The following CCDC170 variants were observed in gnomAD, a reference collection of about 807,000 sequenced individuals.
The protein encoded by CCDC170 is coiled-coil domain containing 170, also known as coiled-coil domain-containing protein 170.
In CCDC170, 69 loss-of-function variants were observed where a neutral mutation model predicts 72.6. That is an observed-to-expected ratio of 0.95 (90% CI 0.78 to 1.16). The LOEUF is 1.16. Among genes scored for constraint, CCDC170 ranks in the 50% most tolerant of loss-of-function variants. CCDC170 has a pLI of 0.00. For synonymous variants in CCDC170, 300 were observed against 303.9 expected, an observed-to-expected ratio of 0.99 and a Z score of 0.13; for missense variants, 852 against 832.5, an observed-to-expected ratio of 1.02 and a Z score of -0.29.
chr6:151,510,314 T>C (rs892348902), intron 1 of CCDC170, among the ~76,000 whole-genome samples: 15 of 152,192 alleles, frequency 9.9e-5, no homozygotes, highest in Admixed American at 5.2e-4. Context: ...TCTATCTCTG[T>C]GGTAGAAAAA....
intron 9 of CCDC170, among the ~76,000 whole-genome samples, chr6:151,610,407 A>C (rs1323544795): frequency 6.6e-6 from 1 of 152,186 alleles, no homozygotes; most frequent in Non-Finnish European, 1.5e-5. Context: ...AGTATAATGG[A>C]TACTCTTTTA....
rs1223863603 is a variant in CCDC170 at position 151,534,346 on chromosome 6, C to T, written c.58-1972C>T. Among the ~76,000 whole-genome samples, 8 of 151,358 alleles carry T rather than the reference C, an allele frequency of 5.3e-5. No homozygotes were observed. In the East Asian group the frequency reaches 1.5e-3, roughly 29 times the overall value. On this transcript the variant is annotated intron_variant, in intron 1 of 10. Coordinates refer to ENST00000239374, the MANE Select transcript of CCDC170 (RefSeq NM_025059.4). ...CTGGGATTACAGGCCTGAGCCACTG[C>T]ACCTGGTCTAGCTTCTTTTCTTAAA... is the stretch of plus-strand genomic sequence containing the variant.
rs1777055635 is a variant in CCDC170, at chr6:151,621,121, C to T, written c.*2974C>T. ...TCTGTACATGTATACAGTCCATATA[C>T]ACATTAAGTGTTTGTCATTTGGACA... On this transcript the variant is annotated 3_prime_UTR_variant, in exon 11 of 11. Coordinates refer to ENST00000239374, the MANE Select transcript of CCDC170 (RefSeq NM_025059.4). 6.6e-6 allele frequency: 1 copy of T among 152,180 alleles called. No homozygotes were observed. The highest frequency in any genetic ancestry group is 2.4e-5 in the African/African-American group (1 of 41,442). The allele number at this position is 152,180 out of a possible 1,614,324, so 9.4% of individuals were successfully genotyped here.
intron 1 of CCDC170, among the ~76,000 whole-genome samples, chr6:151,502,556 A>G (rs1248308537): frequency 1.3e-5 from 2 of 152,252 alleles, no homozygotes; most frequent in Non-Finnish European, 2.9e-5. Context: ...AGACTTGACT[A>G]TAATTGTCCC....
chr6:151,555,117 C>CCAACTCCTGACCTT (rs1782954120), intron 5 of CCDC170, among the ~76,000 whole-genome samples: 1 of 151,578 alleles, frequency 6.6e-6, no homozygotes, highest in African/African-American at 2.4e-5. Context: ...CTCCTGACCT[C>CCAACTCCTGACCTT]GTGGTCCACC....
chr6:151,521,168 G>T (rs1583007620), intron 1 of CCDC170, among the ~76,000 whole-genome samples: 1 of 152,114 alleles, frequency 6.6e-6, no homozygotes, highest in African/African-American at 2.4e-5. Context: ...CTCCCCAGCT[G>T]CCTCCTGTTA....
At chr6:151,605,549 T>C (rs1776769993) in intron 9 of CCDC170, among the ~76,000 whole-genome samples, 1 of 152,198 alleles carries the variant, frequency 6.6e-6, no homozygotes, top group Non-Finnish European at 1.5e-5. Flanking sequence ...GTAGCTGCTT[T>C]CTGTGGGTTG....
chr6:151,612,472 A>T (rs1373367213), intron 9 of CCDC170, among the ~76,000 whole-genome samples: 1 of 152,154 alleles, frequency 6.6e-6, no homozygotes, highest in Non-Finnish European at 1.5e-5. Flanking sequence ...CAACATTCTC[A>T]TTCCCCTTTC....
intron 1 of CCDC170, among the ~76,000 whole-genome samples, chr6:151,528,973 T>C (rs1782451933): frequency 6.6e-6 from 1 of 152,184 alleles, no homozygotes; most frequent in Admixed American, 6.5e-5. Flanking sequence ...GTACAAATAA[T>C]GAGTAAATAC....
At position 151,612,961 on chromosome 6, in the gene CCDC170, TTTGTTTG is replaced by T. The variant is rs1776898338; in HGVS notation, c.1711-2481_1711-2475del. Among the ~76,000 whole-genome samples, 4 of 152,098 alleles carry T rather than the reference TTTGTTTG, an allele frequency of 2.6e-5. No homozygotes were observed. The South Asian group carries it at 8.3e-4, about 31-fold the overall frequency. ...CAGAGCTGTACTGGTCTTTGTTTGC[TTTGTTTG>T]CTCTTTGTCTATTCATTCCTTACTG... On this transcript the variant is annotated intron_variant, in intron 9 of 10. Transcript: ENST00000239374.
At chr6:151,502,859 G>A (rs934637905) in intron 1 of CCDC170, among the ~76,000 whole-genome samples, 1 of 152,072 alleles carries the variant, frequency 6.6e-6, no homozygotes, top group African/African-American at 2.4e-5. Flanking sequence ...TTTTAGATAC[G>A]GTCCCCCTTT....
At chr6:151,612,947 T>C (rs562220146) in intron 9 of CCDC170, among the ~76,000 whole-genome samples, 1 of 102,162 alleles carries the variant, frequency 9.8e-6, no homozygotes, top group Admixed American at 8.2e-5. Flanking sequence ...AGAGCTGTAC[T>C]GGTCTTTGTT....
intron 7 of CCDC170, among the ~76,000 whole-genome samples, chr6:151,592,864 T>C (rs1311346857): frequency 6.6e-6 from 1 of 152,114 alleles, no homozygotes; most frequent in Admixed American, 6.6e-5. Context: ...GTATATAATA[T>C]TCGATTGAAC....
intron 1 of CCDC170, among the ~76,000 whole-genome samples, chr6:151,517,434 CTTTT>C (rs377256935): frequency 2.9e-5 from 4 of 139,364 alleles, no homozygotes; most frequent in Non-Finnish European, 4.7e-5. Flanking sequence ...TCTTCTTCTT[CTTTT>C]TTTTTTTTTT....
chr6:151,506,754 A>G (rs1308803029), intron 1 of CCDC170, among the ~76,000 whole-genome samples: 5 of 152,200 alleles, frequency 3.3e-5, no homozygotes, highest in Admixed American at 3.3e-4. Context: ...ATTAGCATTT[A>G]AATCAATAGA....
intron 1 of CCDC170, among the ~76,000 whole-genome samples, chr6:151,500,145 C>A (rs1042077040): frequency 3.3e-5 from 5 of 151,172 alleles, no homozygotes; most frequent in African/African-American, 1.2e-4. Flanking sequence ...TGTAGCCTTT[C>A]TAATGGGTAT....
chr6:151,588,125 G>A (rs985349819), intron 7 of CCDC170, among the ~76,000 whole-genome samples: 3 of 152,174 alleles, frequency 2.0e-5, no homozygotes, highest in Admixed American at 6.5e-5. Context: ...GCTTCACTGC[G>A]TAGGTAATGG....
chr6:151,598,231 C>G (rs1776653375), intron 9 of CCDC170, among the ~76,000 whole-genome samples: 1 of 152,130 alleles, frequency 6.6e-6, no homozygotes, highest in South Asian at 2.1e-4. Flanking sequence ...TGAGACTGAC[C>G]TTTAGTGGGG....
chr6:151,614,051 C>A (rs1220489557), intron 9 of CCDC170, among the ~76,000 whole-genome samples: 1 of 152,126 alleles, frequency 6.6e-6, no homozygotes, highest in Non-Finnish European at 1.5e-5. Flanking sequence ...TTTTAATGAT[C>A]AGTGAAAACA....
Sources: allele counts gnomAD v4.1 joint callset (sites outside exome capture counted in the v4.1 genomes callset), GRCh38; gene constraint gnomAD v4.1.1; transcripts MANE v1.5; gene names NCBI Gene and HGNC (gene_info 2026-07-23, HGNC 2026-07-21).